Variants in PPP2R2B observed in about 807,000 individuals in gnomAD.
PPP2R2B encodes protein phosphatase 2 regulatory subunit Bbeta.
PPP2R2B carries 5 observed loss-of-function variants against 46.0 expected under a neutral mutation model. The observed-to-expected ratio is 0.11, with a 90% confidence interval of 0.06 to 0.23. The LOEUF is 0.23. PPP2R2B is among the 10% of genes least tolerant of loss of function. PPP2R2B has a pLI of 1.00. For synonymous variants in PPP2R2B, 215 were observed against 206.7 expected (o/e 1.04, Z -0.34); for missense variants, 367 against 575.0 (o/e 0.64, Z 3.70).
At chr5:146,719,706 G>A (rs1452979153) in intron 2 of PPP2R2B, among the ~76,000 whole-genome samples, 1 of 152,096 alleles carries the variant, frequency 6.6e-6, no homozygotes, top group East Asian at 1.9e-4. Flanking sequence ...GGAGTGGATA[G>A]GTCATATCTG....
chr5:146,794,878 A>G (rs1756426361), intron 2 of PPP2R2B, among the ~76,000 whole-genome samples: 1 of 152,138 alleles, frequency 6.6e-6, no homozygotes, highest in Non-Finnish European at 1.5e-5. Context: ...TATTGGTTCC[A>G]CTGGGAGGCA....
chr5:147,054,704 C>T (rs1184979282), intron 1 of PPP2R2B: 1 of 456,018 alleles, frequency 2.2e-6, no homozygotes, highest in Non-Finnish European at 4.4e-6. Context: ...AGGCTGGTCG[C>T]CAGCTCAGTT....
upstream of PPP2R2B, among the ~76,000 whole-genome samples, chr5:147,060,499 C>A (rs1447567917): frequency 6.6e-6 from 1 of 151,952 alleles, no homozygotes; most frequent in Non-Finnish European, 1.5e-5. Context: ...GTGGTGGTAC[C>A]CACCCATAGT....
At chr5:146,920,880 A>G (rs1276728176) in intron 1 of PPP2R2B, among the ~76,000 whole-genome samples, 1 of 152,184 alleles carries the variant, frequency 6.6e-6, no homozygotes, top group Non-Finnish European at 1.5e-5. Context: ...CTCAAGCATA[A>G]CTTAATTTTC....
At chr5:146,790,929 A>G (rs1038135053) in intron 2 of PPP2R2B, among the ~76,000 whole-genome samples, 12 of 152,228 alleles carry the variant, frequency 7.9e-5, no homozygotes, top group Non-Finnish European at 1.8e-4. Context: ...GAGTAGATAC[A>G]CAAGTGGAGC....
At chr5:146,793,960 A>G (rs1396690822) in intron 2 of PPP2R2B, among the ~76,000 whole-genome samples, 1 of 152,202 alleles carries the variant, frequency 6.6e-6, no homozygotes, top group Non-Finnish European at 1.5e-5. Context: ...CCATGCCTAG[A>G]CATTGATTCA....
chr5:146,788,163 G>A (rs1346535745), intron 2 of PPP2R2B, among the ~76,000 whole-genome samples: 1 of 152,080 alleles, frequency 6.6e-6, no homozygotes, highest in Non-Finnish European at 1.5e-5. Flanking sequence ...CGGATATATA[G>A]TGTCTTCTAC....
intron 2 of PPP2R2B, among the ~76,000 whole-genome samples, chr5:146,808,855 A>G (rs1260891233): frequency 6.6e-6 from 1 of 152,152 alleles, no homozygotes. Context: ...TGCAATCAAC[A>G]TTTATCTCTA....
chr5:146,742,151 C>T (rs547377626), intron 2 of PPP2R2B, among the ~76,000 whole-genome samples: 22 of 152,288 alleles, frequency 1.4e-4, no homozygotes, highest in Middle Eastern at 3.4e-3. Flanking sequence ...TCTCAACAGC[C>T]GCCGGGGGGA....
chr5:146,948,041 C>A (rs1764539256), intron 1 of PPP2R2B, among the ~76,000 whole-genome samples: 2 of 151,826 alleles, frequency 1.3e-5, no homozygotes, highest in Admixed American at 6.6e-5. Flanking sequence ...TATTTTTCCC[C>A]TACTCCTCTC....
At chr5:146,647,371 T>G (rs1472083800) in intron 6 of PPP2R2B, among the ~76,000 whole-genome samples, 1 of 152,192 alleles carries the variant, frequency 6.6e-6, no homozygotes, top group Non-Finnish European at 1.5e-5. Context: ...TGGCTGGTAT[T>G]TTTCTGAGAC....
At chr5:146,722,987 T>C (rs1011099676) in intron 2 of PPP2R2B, among the ~76,000 whole-genome samples, 4 of 152,184 alleles carry the variant, frequency 2.6e-5, no homozygotes, top group Admixed American at 1.3e-4. Flanking sequence ...GGCTAATCTC[T>C]ATTCATCCTC....
Position 147,041,914 on chromosome 5 carries a change from A to G in PPP2R2B, c.79+13751T>C, listed in dbSNP as rs565682829. Among the ~76,000 whole-genome samples, 3 of 151,752 alleles carry G rather than the reference A, an allele frequency of 2.0e-5. No homozygotes were observed. In the South Asian group the frequency reaches 6.3e-4, roughly 32 times the overall value. ...CCTAGCCTTGCTTCCACCTGAATTG[A>G]CCCTCCCTTAGCTAAGAGAGCCAGA... On this transcript the variant is annotated intron_variant, in intron 1 of 8. Coordinates refer to the PPP2R2B transcript ENST00000336640.
intron 1 of PPP2R2B, among the ~76,000 whole-genome samples, chr5:147,048,253 T>A (rs140930758): frequency 5.1e-4 from 77 of 152,272 alleles, no homozygotes; most frequent in African/African-American, 1.9e-3. Flanking sequence ...TAGGCAGTCT[T>A]GTAGGGCAGC....
intron 1 of PPP2R2B, among the ~76,000 whole-genome samples, chr5:146,915,473 CGT>C (rs1763351793): frequency 1.4e-5 from 2 of 146,068 alleles, no homozygotes; most frequent in Non-Finnish European, 3.0e-5. Flanking sequence ...CACACACACA[CGT>C]ACACATGTGT....
chr5:147,081,228 T>C (rs887155762), intron 1 of PPP2R2B: 93 of 1,535,540 alleles, frequency 6.1e-5, no homozygotes, highest in Non-Finnish European at 7.8e-5. Flanking sequence ...TAGCAGAATC[T>C]ATGCATTTCT....
chr5:147,079,247 T>C (rs915221231), intron 2 of PPP2R2B, among the ~76,000 whole-genome samples: 2 of 151,266 alleles, frequency 1.3e-5, no homozygotes, highest in African/African-American at 4.8e-5. Flanking sequence ...ATAAAATCAG[T>C]ACATAGAAGA....
rs73793269 is a variant in PPP2R2B, at chr5:146,773,262, G to A, written c.71-72120C>T. Among the ~76,000 whole-genome samples, 979 of 152,298 alleles carry A rather than the reference G, an allele frequency of 6.4e-3. 12 individuals are homozygous for A. The highest frequency in any genetic ancestry group is 0.022 in the African/African-American group (929 of 41,568). On this transcript the variant is annotated intron_variant, in intron 2 of 9. Transcript: ENST00000394411. Reference sequence around the variant, plus strand: ...TGGGAAATGGCCATACTGCACAGCCGTTTGCATTCCAGGAATTCCGTTTGG... The same window carrying A: ...TGGGAAATGGCCATACTGCACAGCCATTTGCATTCCAGGAATTCCGTTTGG...
At chr5:146,716,006 A>G (rs1185968150) in intron 2 of PPP2R2B, among the ~76,000 whole-genome samples, 1 of 152,082 alleles carries the variant, frequency 6.6e-6, no homozygotes, top group African/African-American at 2.4e-5. Context: ...ATGCCATTTC[A>G]TTTATCTAAT....
Sources: allele counts gnomAD v4.1 joint callset (sites outside exome capture counted in the v4.1 genomes callset), GRCh38; gene constraint gnomAD v4.1.1; transcripts MANE v1.5; gene names NCBI Gene and HGNC (gene_info 2026-07-23, HGNC 2026-07-21).